The following CLEC6A variants were observed in gnomAD, a reference collection of about 807,000 sequenced individuals.
The protein encoded by CLEC6A is C-type lectin domain containing 6A, also known as C-type lectin domain family 6 member A.
Under a neutral mutation model 25.7 loss-of-function variants are expected in CLEC6A, and 22 were observed. That is an observed-to-expected ratio of 0.85 (90% CI 0.61 to 1.22). The LOEUF (loss-of-function observed/expected upper bound fraction) is 1.22. Ranked by LOEUF, CLEC6A falls within the 50% of genes most tolerant of loss-of-function variation. CLEC6A has a pLI of 0.00. For missense variants in CLEC6A, 240 were observed against 236.8 expected, an observed-to-expected ratio of 1.01 and a Z score of -0.09; for synonymous variants, 92 against 76.7, an observed-to-expected ratio of 1.20 and a Z score of -1.04.
intron 4 of CLEC6A, among the ~76,000 whole-genome samples, chr12:8,467,960 C>CCCG (rs1160786952): frequency 2.0e-5 from 3 of 151,048 alleles, no homozygotes; most frequent in Non-Finnish European, 4.4e-5. Flanking sequence ...TTTTTTTCCC[C>CCCG]AAGACGGAGT....
At chr12:8,474,422 G>A (rs1939944253) in intron 4 of CLEC6A, among the ~76,000 whole-genome samples, 1 of 152,078 alleles carries the variant, frequency 6.6e-6, no homozygotes, top group Admixed American at 6.6e-5. Context: ...TTGTCCCATT[G>A]GTCTATGTGT....
In CLEC6A at chr12:8,457,884, T is replaced by C; in HGVS notation, c.32-14T>C. 6.2e-7 allele frequency: 1 copy of C among 1,609,378 alleles called. No homozygotes were observed. Among genetic ancestry groups the C allele is most frequent in the Non-Finnish European group, 8.5e-7 (1 of 1,175,704 alleles). On this transcript the variant is annotated splice_polypyrimidine_tract_variant and intron_variant, in intron 1 of 5. Transcript: ENST00000382073. ...CCCCTGGTAACTGCATTTGTTGTCTTCCTGATTGGACAGAGAAAAGAGGCT... is the reference window on the plus strand; with the variant it reads ...CCCCTGGTAACTGCATTTGTTGTCTCCCTGATTGGACAGAGAAAAGAGGCT...
At chr12:8,466,427 G>A (rs909277999) in intron 4 of CLEC6A, among the ~76,000 whole-genome samples, 1 of 152,174 alleles carries the variant, frequency 6.6e-6, no homozygotes, top group East Asian at 1.9e-4. Context: ...TGGATCACAA[G>A]TTAGTTCTAT....
intron 3 of CLEC6A, among the ~76,000 whole-genome samples, chr12:8,461,950 C>T (rs149323592): frequency 2.6e-5 from 4 of 152,080 alleles, no homozygotes; most frequent in Non-Finnish European, 5.9e-5. Context: ...AAAGAAAGAG[C>T]GATCAGATTG....
Position 8,477,542 on chromosome 12 carries a change from A to G in CLEC6A, c.*78A>G. 1.8e-6 allele frequency: 2 copies of G among 1,107,378 alleles called. No individual in the cohort carries two copies. The highest frequency in any genetic ancestry group is 1.6e-5 in the South Asian group (1 of 61,518). The allele number at this position is 1,107,378 out of a possible 1,614,324, so 68.6% of individuals were successfully genotyped here. On this transcript the variant is annotated 3_prime_UTR_variant, in exon 6 of 6. Coordinates refer to ENST00000382073, the MANE Select transcript of CLEC6A (RefSeq NM_001007033.2). The stretch of plus-strand genomic sequence containing the variant: ...GACGTCTTTAAAATTGAACCCTATC[A>G]TGAAATGATAATTTCTTCCTGAATT...
At chr12:8,472,994 C>CTTTTTTTTTTTTT (rs746059514) in intron 4 of CLEC6A, among the ~76,000 whole-genome samples, 663 of 3,568 alleles carry the variant, frequency 0.19, 293 homozygotes, top group Non-Finnish European at 0.32. Flanking sequence ...GCTCCTACTT[C>CTTTTTTTTTTTTT]TTTTTTTTTT....
chr12:8,466,643 GT>G (rs1939833862), intron 4 of CLEC6A, among the ~76,000 whole-genome samples: 1 of 142,756 alleles, frequency 7.0e-6, no homozygotes, highest in Admixed American at 7.5e-5. Context: ...GATTAGTGAT[GT>G]TGAGCAAGTG....
At chr12:8,463,014 C>T (rs1010382113) in intron 3 of CLEC6A, among the ~76,000 whole-genome samples, 2 of 152,174 alleles carry the variant, frequency 1.3e-5, no homozygotes, top group African/African-American at 4.8e-5. Context: ...AATGTATTTA[C>T]TTGGGTGTAA....
chr12:8,476,444 G>A (rs1317517448), intron 5 of CLEC6A, among the ~76,000 whole-genome samples: 1 of 151,878 alleles, frequency 6.6e-6, no homozygotes, highest in South Asian at 2.1e-4. Flanking sequence ...TAAATAACTT[G>A]CCCCAAATCA....
intron 1 of CLEC6A, among the ~76,000 whole-genome samples, chr12:8,457,594 A>C (rs1939693854): frequency 6.6e-6 from 1 of 152,236 alleles, no homozygotes; most frequent in Non-Finnish European, 1.5e-5. Context: ...CAGAGATATG[A>C]GAAATGGGAG....
In CLEC6A at chr12:8,460,760, C is replaced by T. The variant is rs775989955; in HGVS notation, c.223+1062C>T. ...CCCCACCCCACCTGGCCTGATAAAG[C>T]GGGCCGACTGGGCTACAAGGCCAAA... is the stretch of plus-strand genomic sequence containing the variant. On this transcript the variant is annotated intron_variant, in intron 3 of 5. Transcript: ENST00000382073. The T allele has an allele frequency of 1.7e-4, 239 of 1,428,326 alleles. 2 individuals are homozygous for T. The highest frequency in any genetic ancestry group is 8.3e-4 in the Middle Eastern group (4 of 4,820). The allele number at this position is 1,428,326 out of a possible 1,614,324, so 88.5% of individuals were successfully genotyped here.
Position 8,473,268 on chromosome 12 carries a change from A to ATATC in CLEC6A, c.370-2857_370-2856insTATC, listed in dbSNP as rs1939929287. Among the ~76,000 whole-genome samples, 2 of 8,206 alleles carry ATATC rather than the reference A, an allele frequency of 2.4e-4. 1 individual carries two copies. Among genetic ancestry groups the ATATC allele is most frequent in the Non-Finnish European group, 8.2e-4 (2 of 2,448 alleles). The allele number at this position is 8,206 out of a possible 152,430, so 5.4% of individuals were successfully genotyped here. On this transcript the variant is annotated intron_variant, in intron 4 of 5. Coordinates refer to ENST00000382073, the MANE Select transcript of CLEC6A (RefSeq NM_001007033.2). ...CTCGGCCTCCCAAAGTGCTGGGATT[A>ATATC]CAGGCGTGAGCCACCGCGCCCGGCC...
chr12:8,471,518 A>T (rs1023814403), intron 4 of CLEC6A, among the ~76,000 whole-genome samples: 5 of 151,880 alleles, frequency 3.3e-5, no homozygotes, highest in African/African-American at 1.2e-4. Flanking sequence ...GGCAGGTGGT[A>T]TGTTTCTAGA....
chr12:8,461,061 C>T, intron 3 of CLEC6A: 1 of 1,594,974 alleles, frequency 6.3e-7, no homozygotes, highest in Middle Eastern at 2.2e-4. Flanking sequence ...ATCCTGACAC[C>T]CAGTGGATCA....
intron 4 of CLEC6A, among the ~76,000 whole-genome samples, chr12:8,468,332 T>C (rs1939863906): frequency 6.6e-6 from 1 of 152,244 alleles, no homozygotes; most frequent in South Asian, 2.1e-4. Context: ...TTTTTCTACA[T>C]TGATTTTGCA....
chr12:8,460,706 A>G, intron 3 of CLEC6A: 2 of 1,487,294 alleles, frequency 1.3e-6, no homozygotes, highest in Non-Finnish European at 1.9e-6. Flanking sequence ...TGCTGGCAGT[A>G]CCGCCAGCTC....
chr12:8,464,277 A>C (rs1341616819), intron 3 of CLEC6A, among the ~76,000 whole-genome samples: 1 of 152,144 alleles, frequency 6.6e-6, no homozygotes, highest in Non-Finnish European at 1.5e-5. Flanking sequence ...AAATAAAAAA[A>C]TAAGCCCAAG....
intron 1 of CLEC6A, 139 bp downstream of exon 1, chr12:8,456,281 A>G: frequency 1.3e-6 from 1 of 798,164 alleles, no homozygotes; most frequent in Non-Finnish European, 2.0e-6. Flanking sequence ...TTTGAAAGAA[A>G]GAGTAATTCT....
intron 3 of CLEC6A, among the ~76,000 whole-genome samples, chr12:8,464,182 C>T (rs1428726922): frequency 6.6e-6 from 1 of 151,812 alleles, no homozygotes; most frequent in East Asian, 1.9e-4. Context: ...GGTTTTTAAT[C>T]ACTTAATATG....
Sources: allele counts gnomAD v4.1 joint callset (sites outside exome capture counted in the v4.1 genomes callset), GRCh38; gene constraint gnomAD v4.1.1; transcripts MANE v1.5; gene names NCBI Gene and HGNC (gene_info 2026-07-23, HGNC 2026-07-21).